The following CCDC102B variants were observed in gnomAD, a reference collection of about 807,000 sequenced individuals.
The protein encoded by CCDC102B is coiled-coil domain-containing protein 102B.
A neutral mutation model predicts 57.4 loss-of-function variants in CCDC102B; 75 were observed. That is an observed-to-expected ratio of 1.31 (90% CI 1.08 to 1.58). The LOEUF is 1.58. CCDC102B is among the 40% of genes most tolerant of loss of function. CCDC102B has a pLI of 0.00. For synonymous variants in CCDC102B, 206 were observed against 201.9 expected (o/e 1.02, Z -0.17); for missense variants, 636 against 582.6 (o/e 1.09, Z -0.94).
chr18:68,715,587 C>G (rs2031904285), intron 1 of CCDC102B: 1 of 152,238 alleles, frequency 6.6e-6, no homozygotes, highest in Admixed American at 6.5e-5. Context: ...TTAAATGCAG[C>G]AAGCTTTAAT....
At chr18:68,967,520 A>G (rs1446134405) in intron 6 of CCDC102B, among the ~76,000 whole-genome samples, 1 of 152,190 alleles carries the variant, frequency 6.6e-6, no homozygotes, top group African/African-American at 2.4e-5. Flanking sequence ...GGACAATTTC[A>G]TGAACAGTTT....
chr18:68,755,398 A>G (rs972901204), intron 2 of CCDC102B, among the ~76,000 whole-genome samples: 2 of 152,170 alleles, frequency 1.3e-5, no homozygotes, highest in Non-Finnish European at 2.9e-5. Context: ...GTTGTAATGG[A>G]AGAGAGAACA....
chr18:68,930,987 T>C (rs1287841306), intron 6 of CCDC102B, among the ~76,000 whole-genome samples: 4 of 151,868 alleles, frequency 2.6e-5, no homozygotes, highest in Non-Finnish European at 5.9e-5. Context: ...GAGAATACTC[T>C]ATTGTGATTT....
intron 2 of CCDC102B, among the ~76,000 whole-genome samples, chr18:68,763,436 G>A (rs1219117232): frequency 6.6e-6 from 1 of 152,070 alleles, no homozygotes; most frequent in Non-Finnish European, 1.5e-5. Flanking sequence ...AAGCACAACA[G>A]CTATATTTAG....
At chr18:68,764,206 A>G (rs146349484) in intron 2 of CCDC102B, among the ~76,000 whole-genome samples, 18 of 152,184 alleles carry the variant, frequency 1.2e-4, no homozygotes, top group Non-Finnish European at 2.2e-4. Flanking sequence ...TCCCTTCCGT[A>G]TACTTTTTTC....
rs1219719812 is a variant in CCDC102B at position 68,956,402 on chromosome 18, A to ATAT, written c.1264-54530_1264-54528dup. Among the ~76,000 whole-genome samples the ATAT allele has an allele frequency of 5.0e-3, 353 of 70,848 alleles. 23 individuals are homozygous for ATAT. Among genetic ancestry groups the ATAT allele is most frequent in the African/African-American group, 0.024 (332 of 14,104 alleles). 46.5% of individuals were successfully genotyped at this position (70,848 alleles called of 152,430 possible). On this transcript the variant is annotated intron_variant, in intron 6 of 7. Coordinates refer to ENST00000360242, the MANE Select transcript of CCDC102B (RefSeq NM_024781.3). The stretch of plus-strand genomic sequence containing the variant: ...TATAATATATAATATATATATAAAT[A>ATAT]TATTTTATATATATTATATATATTA...
chr18:68,763,878 G>A (rs1468350560), intron 2 of CCDC102B, among the ~76,000 whole-genome samples: 1 of 151,944 alleles, frequency 6.6e-6, no homozygotes, highest in African/African-American at 2.4e-5. Context: ...TTATAAAGTA[G>A]CCTTTTCCCC....
At chr18:68,913,650 G>T (rs1323203390) in intron 6 of CCDC102B, among the ~76,000 whole-genome samples, 2 of 91,090 alleles carry the variant, frequency 2.2e-5, no homozygotes, top group African/African-American at 4.3e-5. Context: ...GTGACACTCG[G>T]TCTCAAAAGA....
chr18:68,843,525 A>C (rs541814888), intron 3 of CCDC102B, among the ~76,000 whole-genome samples: 13 of 152,246 alleles, frequency 8.5e-5, no homozygotes, highest in African/African-American at 3.1e-4. Flanking sequence ...CAAAAAATGC[A>C]TAGAAATAAA....
chr18:69,011,594 G>GGT (rs572212640), intron 7 of CCDC102B, among the ~76,000 whole-genome samples: 98 of 151,942 alleles, frequency 6.4e-4, no homozygotes, highest in Non-Finnish European at 1.3e-3. Flanking sequence ...CTGGAAGATA[G>GGT]ATATCTCGGT....
chr18:68,797,017 A>C (rs1025389163), upstream of CCDC102B, among the ~76,000 whole-genome samples: 4 of 152,158 alleles, frequency 2.6e-5, no homozygotes, highest in African/African-American at 9.7e-5. Flanking sequence ...ATTGGCATAC[A>C]TGAAATTGAC....
intron 6 of CCDC102B, among the ~76,000 whole-genome samples, chr18:68,953,355 C>T (rs913978934): frequency 6.2e-4 from 78 of 125,448 alleles, no homozygotes; most frequent in Non-Finnish European, 7.7e-4. Flanking sequence ...CAATACTTGT[C>T]TTTTTTTTTT....
At chr18:68,988,541 T>C (rs542295816) in intron 6 of CCDC102B, among the ~76,000 whole-genome samples, 1 of 136,504 alleles carries the variant, frequency 7.3e-6, no homozygotes, top group African/African-American at 3.0e-5. Flanking sequence ...GAATCTAAAA[T>C]AAGTGTTGAA....
intron 2 of CCDC102B, among the ~76,000 whole-genome samples, chr18:68,764,312 A>G (rs1458518121): frequency 4.6e-5 from 7 of 152,172 alleles, no homozygotes; most frequent in Admixed American, 1.3e-4. Context: ...ATGGCGACTC[A>G]CAGTTCTTTG....
At position 68,885,031 on chromosome 18, in the gene CCDC102B, G is replaced by C. The variant is rs192435241; in HGVS notation, c.1053+10246G>C. On this transcript the variant is annotated intron_variant, in intron 5 of 7. Transcript: ENST00000360242. ...AATTTATTTTTAAAAAATAATTCTG[G>C]TAGTAGAAGTAGATTAAAAGCCCTC... Among the ~76,000 whole-genome samples the C allele has an allele frequency of 2.7e-3, 408 of 151,882 alleles. 4 individuals carry two copies. Among genetic ancestry groups the C allele is most frequent in the African/African-American group, 9.5e-3 (393 of 41,466 alleles).
upstream of CCDC102B, among the ~76,000 whole-genome samples, chr18:68,795,447 C>A (rs2035598213): frequency 6.6e-6 from 1 of 152,108 alleles, no homozygotes; most frequent in South Asian, 2.1e-4. Flanking sequence ...AACAATTGAT[C>A]TCATAGTTCT....
At chr18:69,035,003 T>C (rs1293635636) in intron 7 of CCDC102B, among the ~76,000 whole-genome samples, 1 of 152,000 alleles carries the variant, frequency 6.6e-6, no homozygotes, top group Non-Finnish European at 1.5e-5. Context: ...TCATTCCATA[T>C]AGAATTACTC....
At chr18:68,939,431 T>A (rs2049323177) in intron 6 of CCDC102B, among the ~76,000 whole-genome samples, 2 of 151,708 alleles carry the variant, frequency 1.3e-5, no homozygotes, top group African/African-American at 2.4e-5. Context: ...GAGAAAAACA[T>A]CCTTCTATTC....
At chr18:68,803,545 C>G (rs1455156974) in intron 1 of CCDC102B, among the ~76,000 whole-genome samples, 1 of 152,180 alleles carries the variant, frequency 6.6e-6, no homozygotes, top group Non-Finnish European at 1.5e-5. Context: ...AAGGAAATCA[C>G]ATGTGCTAAA....
Sources: gnomAD v4.1 joint callset for allele counts (sites outside exome capture counted in the v4.1 genomes callset) on GRCh38, gnomAD v4.1.1 for gene constraint, MANE v1.5 for transcripts, NCBI Gene and HGNC (gene_info 2026-07-23, HGNC 2026-07-21) for gene names.